The following BLNK variants were observed in gnomAD, a reference collection of about 807,000 sequenced individuals.
BLNK encodes B-cell linker protein.
A neutral mutation model predicts 73.5 loss-of-function variants in BLNK; 29 were observed. The ratio of observed to expected loss-of-function variants is 0.39; its 90% CI spans 0.29 to 0.54. The LOEUF (loss-of-function observed/expected upper bound fraction) is 0.54. Ranked by LOEUF, BLNK falls within the 20% of genes least tolerant of loss-of-function variation. The pLI is 0.61. For missense variants in BLNK, 460 were observed against 562.8 expected, an observed-to-expected ratio of 0.82 and a Z score of 1.85; for synonymous variants, 176 against 200.8, an observed-to-expected ratio of 0.88 and a Z score of 1.04.
chr10:96,256,521 A>G (rs916615676), intron 1 of BLNK, among the ~76,000 whole-genome samples: 2 of 152,154 alleles, frequency 1.3e-5, no homozygotes, highest in South Asian at 4.1e-4. Context: ...CTAATATAGT[A>G]TATTTTATTT....
At chr10:96,259,735 G>A (rs1457419277) in intron 1 of BLNK, among the ~76,000 whole-genome samples, 2 of 94,838 alleles carry the variant, frequency 2.1e-5, no homozygotes, top group East Asian at 3.8e-4. Context: ...CAAATATTTT[G>A]TGGTAGTCTT....
chr10:96,206,459 A>G (rs1383999408), intron 11 of BLNK, among the ~76,000 whole-genome samples: 3 of 151,818 alleles, frequency 2.0e-5, no homozygotes, highest in African/African-American at 7.3e-5. Context: ...TGAGGCAGAA[A>G]GACAACTTGA....
intron 1 of BLNK, among the ~76,000 whole-genome samples, chr10:96,259,672 T>TTTG (rs1283759565): frequency 7.0e-6 from 1 of 142,932 alleles, no homozygotes; most frequent in Non-Finnish European, 1.5e-5. Context: ...CACCCTACCT[T>TTTG]TTTTTTTTTT....
At chr10:96,236,801 G>A (rs2134062676) in intron 3 of BLNK, among the ~76,000 whole-genome samples, 1 of 152,256 alleles carries the variant, frequency 6.6e-6, no homozygotes, top group Middle Eastern at 3.4e-3. Context: ...ACCCCAGCCT[G>A]GGTGACAGGG....
At chr10:96,209,242 A>G (rs1305925229) in intron 9 of BLNK, among the ~76,000 whole-genome samples, 1 of 152,122 alleles carries the variant, frequency 6.6e-6, no homozygotes, top group Non-Finnish European at 1.5e-5. Flanking sequence ...GTAAGTAAAG[A>G]CAAAACCTGC....
chr10:96,203,768 C>T, intron 13 of BLNK: 1 of 243,486 alleles, frequency 4.1e-6, no homozygotes, highest in Non-Finnish European at 7.5e-6. Context: ...TTGAAAACAG[C>T]TGTATTGTTT....
Position 96,204,041 on chromosome 10 carries a change from G to A in BLNK, c.934+16C>T. The A allele has an allele frequency of 6.2e-7, 1 of 1,609,368 alleles. No individual in the cohort carries two copies. Among genetic ancestry groups the A allele is most frequent in the Non-Finnish European group, 8.5e-7 (1 of 1,175,744 alleles). On this transcript the variant is annotated intron_variant, in intron 13 of 16. Coordinates refer to ENST00000224337, the MANE Select transcript of BLNK (RefSeq NM_013314.4). ...CGACCACTCCCTGATACACTACATG[G>A]CTTCGTTGTACTTACTTGGCAGAGG...
At chr10:96,225,406 A>G (rs1842210426) in intron 5 of BLNK, among the ~76,000 whole-genome samples, 1 of 150,970 alleles carries the variant, frequency 6.6e-6, no homozygotes, top group Non-Finnish European at 1.5e-5. Context: ...CTCAGCCCTC[A>G]CTCCTTGTTG....
At chr10:96,224,196 G>A (rs587650683) in intron 5 of BLNK, among the ~76,000 whole-genome samples, 2 of 152,266 alleles carry the variant, frequency 1.3e-5, no homozygotes, top group East Asian at 1.9e-4. Flanking sequence ...CTGGAAGAAC[G>A]TCCTCATTAA....
At chr10:96,251,957 G>C (rs1045158916) in intron 1 of BLNK, among the ~76,000 whole-genome samples, 1 of 152,120 alleles carries the variant, frequency 6.6e-6, no homozygotes, top group Non-Finnish European at 1.5e-5. Flanking sequence ...TCTCAAGAGG[G>C]CTATTGGACC....
In BLNK at chr10:96,189,631, G is replaced by C. The variant is rs2083297675; in HGVS notation, c.*2342C>G. On this transcript the variant is annotated 3_prime_UTR_variant, in exon 17 of 17. Coordinates refer to ENST00000224337, the MANE Select transcript of BLNK (RefSeq NM_013314.4). ...TGTTTTCTATTCTGATTTGACTTTTGTGCATTTTTGGCTGGAGTATGTAGA... is the reference window on the plus strand; with the variant it reads ...TGTTTTCTATTCTGATTTGACTTTTCTGCATTTTTGGCTGGAGTATGTAGA... The C allele has an allele frequency of 2.8e-6, 2 of 707,572 alleles. No homozygotes were observed. Among genetic ancestry groups the C allele is most frequent in the Admixed American group, 1.8e-5 (1 of 56,708 alleles). The allele number at this position is 707,572 out of a possible 1,614,324, so 43.8% of individuals were successfully genotyped here.
chr10:96,214,232 G>C (rs587646307), intron 8 of BLNK, among the ~76,000 whole-genome samples: 2 of 152,312 alleles, frequency 1.3e-5, no homozygotes, highest in Non-Finnish European at 2.9e-5. Context: ...ATGCTGGAGA[G>C]CAGGCTCCTA....
At chr10:96,270,313 A>G (rs1222665673) in intron 1 of BLNK, among the ~76,000 whole-genome samples, 1 of 152,218 alleles carries the variant, frequency 6.6e-6, no homozygotes, top group Non-Finnish European at 1.5e-5. Flanking sequence ...ATTGTCTCAA[A>G]AGCTTCAATT....
At chr10:96,247,108 G>T (rs1197692071) in intron 1 of BLNK, 59 bp from the exon 2 acceptor site, 4 of 1,212,498 alleles carry the variant, frequency 3.3e-6, no homozygotes, top group Non-Finnish European at 3.5e-6. Context: ...TTTAAAAAAA[G>T]TCTCCTACTC....
chr10:96,228,885 G>A (rs72811023), intron 4 of BLNK, among the ~76,000 whole-genome samples: 117 of 151,974 alleles, frequency 7.7e-4, no homozygotes, highest in Non-Finnish European at 1.5e-3. Flanking sequence ...TTGGCCTGTC[G>A]CCTTTCATAA....
Position 96,265,680 on chromosome 10 carries a change from T to C in BLNK, c.47+5672A>G, listed in dbSNP as rs550758103. ...GCAAAGACCACAACAATGGCAAAGA[T>C]ATGTATTGCCTATTCTGAACTTTAA... On this transcript the variant is annotated intron_variant, in intron 1 of 16. Transcript: ENST00000224337. Among the ~76,000 whole-genome samples the C allele has an allele frequency of 2.0e-5, 3 of 152,344 alleles. No individual in the cohort carries two copies. In the South Asian group the frequency reaches 6.2e-4, roughly 32 times the overall value.
rs974603073 is a variant in BLNK, at chr10:96,255,851, G to T, written c.48-8802C>A. 1.1e-4 allele frequency among the ~76,000 whole-genome samples: 16 copies of T among 152,252 alleles called. No individual in the cohort carries two copies. The East Asian group carries it at 3.1e-3, about 29-fold the overall frequency. ...TTTCAGCAAATGTTTCTAAAACCTGGATTTCAACGATCACTCCTTCCTCAA... is the reference window on the plus strand; with the variant it reads ...TTTCAGCAAATGTTTCTAAAACCTGTATTTCAACGATCACTCCTTCCTCAA... On this transcript the variant is annotated intron_variant, in intron 1 of 16. Transcript: ENST00000224337.
At chr10:96,209,133 G>A (rs2083889973) in intron 9 of BLNK, among the ~76,000 whole-genome samples, 1 of 152,204 alleles carries the variant, frequency 6.6e-6, no homozygotes, top group South Asian at 2.1e-4. Flanking sequence ...TCACTTTCGA[G>A]AGGAACTTCA....
At chr10:96,215,184 G>A (rs1202407028) in intron 8 of BLNK, 137 bp downstream of exon 8, 1 of 952,972 alleles carries the variant, frequency 1.0e-6, no homozygotes, top group Non-Finnish European at 1.7e-6. Context: ...CCACCAGACA[G>A]TGCATGAGGA....
Sources: allele counts gnomAD v4.1 joint callset (sites outside exome capture counted in the v4.1 genomes callset), GRCh38; gene constraint gnomAD v4.1.1; transcripts MANE v1.5; gene names NCBI Gene and HGNC (gene_info 2026-07-23, HGNC 2026-07-21).